Variants in HMGCLL1 observed in about 807,000 individuals in gnomAD.
HMGCLL1 encodes 3-hydroxy-3-methylglutaryl-CoA lyase like 1.
Under a neutral mutation model 39.1 loss-of-function variants are expected in HMGCLL1, and 36 were observed. The ratio of observed to expected loss-of-function variants is 0.92; its 90% confidence interval spans 0.71 to 1.22. The LOEUF is 1.22. HMGCLL1 is among the 50% of genes most tolerant of loss of function. The pLI is 0.00. For missense variants in HMGCLL1, 451 were observed against 416.5 expected (o/e 1.08, Z -0.72); for synonymous variants, 149 against 144.0 (o/e 1.03, Z -0.25).
intron 1 of HMGCLL1, among the ~76,000 whole-genome samples, chr6:55,557,925 G>A (rs1770756953): frequency 6.6e-6 from 1 of 152,122 alleles, no homozygotes; most frequent in African/African-American, 2.4e-5. Context: ...CTGAACAAGT[G>A]AGAAACAGGA....
At chr6:55,460,500 G>A (rs1764510974) in intron 7 of HMGCLL1, among the ~76,000 whole-genome samples, 1 of 151,630 alleles carries the variant, frequency 6.6e-6, no homozygotes, top group South Asian at 2.1e-4. Flanking sequence ...ATAACAAAAA[G>A]CGTATGTTTA....
At chr6:55,581,159 T>C (rs780852236), upstream of HMGCLL1, among the ~76,000 whole-genome samples, 1 of 152,062 alleles carries the variant, frequency 6.6e-6, no homozygotes, top group Non-Finnish European at 1.5e-5. Context: ...AGATATGATA[T>C]GATCTTCTGC....
At chr6:55,624,879 G>A in the HMGCLL1 span, among the ~76,000 whole-genome samples, 13 of 152,136 alleles carry the variant, frequency 8.5e-5, no homozygotes, top group Non-Finnish European at 1.6e-4. Context: ...TGATTTGGAT[G>A]TGTTTTTCCA....
intron 5 of HMGCLL1, among the ~76,000 whole-genome samples, chr6:55,511,268 C>T (rs559363589): frequency 7.2e-5 from 11 of 152,154 alleles, no homozygotes; most frequent in African/African-American, 2.4e-4. Flanking sequence ...ATTTTGCATT[C>T]GCATATAACC....
At chr6:55,452,894 A>G (rs1764162795) in intron 7 of HMGCLL1, among the ~76,000 whole-genome samples, 1 of 152,224 alleles carries the variant, frequency 6.6e-6, no homozygotes, top group African/African-American at 2.4e-5. Flanking sequence ...TACAAAGTAG[A>G]ATGTCATAGC....
intron 1 of HMGCLL1, among the ~76,000 whole-genome samples, chr6:55,557,966 TCAAAA>T (rs1770758322): frequency 6.6e-6 from 1 of 152,134 alleles, no homozygotes; most frequent in African/African-American, 2.4e-5. Context: ...TTTAGGTCTG[TCAAAA>T]ATACTGGTGC....
chr6:55,537,352 G>A (rs184330108), intron 3 of HMGCLL1, among the ~76,000 whole-genome samples: 77 of 152,214 alleles, frequency 5.1e-4, no homozygotes, highest in African/African-American at 1.8e-3. Flanking sequence ...TAAAAAATTG[G>A]AATGTATATA....
At chr6:55,463,381 T>C (rs1391626908) in intron 7 of HMGCLL1, among the ~76,000 whole-genome samples, 3 of 152,040 alleles carry the variant, frequency 2.0e-5, no homozygotes, top group Non-Finnish European at 4.4e-5. Flanking sequence ...AAAGTGGCCC[T>C]TACAATGTGA....
At chr6:55,486,073 TAC>T (rs552229204) in intron 7 of HMGCLL1, among the ~76,000 whole-genome samples, 1,995 of 148,490 alleles carry the variant, frequency 0.013, 39 homozygotes, top group African/African-American at 0.046. Context: ...TGTCGGTGTA[TAC>T]ACACACACAC....
intron 3 of HMGCLL1, among the ~76,000 whole-genome samples, chr6:55,525,120 T>A: frequency 6.6e-6 from 1 of 151,786 alleles, no homozygotes; most frequent in East Asian, 1.9e-4. Flanking sequence ...TCTGCCACTG[T>A]TAGCATAAAT....
At chr6:55,614,718 A>G in the HMGCLL1 span, among the ~76,000 whole-genome samples, 1 of 152,028 alleles carries the variant, frequency 6.6e-6, no homozygotes, top group Non-Finnish European at 1.5e-5. Context: ...ATTATTTTCA[A>G]CTTTTATAGG....
upstream of HMGCLL1, among the ~76,000 whole-genome samples, chr6:55,580,220 G>C (rs9370439): frequency 0.52 from 77,781 of 150,648 alleles, 20,437 homozygotes; most frequent in African/African-American, 0.61. Context: ...GTGGGGGTTT[G>C]GGGGGTGGGC....
intron 7 of HMGCLL1, among the ~76,000 whole-genome samples, chr6:55,477,267 TAATATATATTATATA>T (rs1765411761): frequency 4.3e-5 from 1 of 23,332 alleles, no homozygotes; most frequent in Non-Finnish European, 6.0e-5. Context: ...ATATATTATA[TAATATATATTATATA>T]TTATATATAA....
the HMGCLL1 span, among the ~76,000 whole-genome samples, chr6:55,603,868 A>T: frequency 6.6e-6 from 1 of 152,298 alleles, no homozygotes; most frequent in East Asian, 1.9e-4. Flanking sequence ...TATGAGGGGC[A>T]AACTAAAAAG....
At chr6:55,536,587 G>A (rs751962578) in intron 3 of HMGCLL1, among the ~76,000 whole-genome samples, 12 of 152,008 alleles carry the variant, frequency 7.9e-5, no homozygotes, top group Non-Finnish European at 1.8e-4. Context: ...TGCTGCTATT[G>A]TTCATTCCAT....
intron 7 of HMGCLL1, among the ~76,000 whole-genome samples, chr6:55,462,835 A>C (rs921700660): frequency 1.3e-5 from 2 of 152,158 alleles, no homozygotes; most frequent in African/African-American, 2.4e-5. Context: ...TAGGCTTCTC[A>C]GGAGTAGTTA....
At chr6:55,511,552 A>C (rs112848918) in intron 5 of HMGCLL1, among the ~76,000 whole-genome samples, 102 of 152,038 alleles carry the variant, frequency 6.7e-4, no homozygotes, top group African/African-American at 2.3e-3. Flanking sequence ...TATGGCCTTT[A>C]AAGCTGACAA....
At chr6:55,636,565 A>T in the HMGCLL1 span, among the ~76,000 whole-genome samples, 2 of 152,268 alleles carry the variant, frequency 1.3e-5, no homozygotes, top group South Asian at 4.1e-4. Flanking sequence ...GGCTTAGTGT[A>T]AGGATTCATA....
the HMGCLL1 span, among the ~76,000 whole-genome samples, chr6:55,595,930 C>G: frequency 6.6e-6 from 1 of 152,044 alleles, no homozygotes; most frequent in East Asian, 1.9e-4. Flanking sequence ...AATTTTGGAG[C>G]CTTTGTGAAT....
Sources: gnomAD v4.1 joint callset for allele counts (sites outside exome capture counted in the v4.1 genomes callset) on GRCh38, gnomAD v4.1.1 for gene constraint, MANE v1.5 for transcripts, NCBI Gene and HGNC (gene_info 2026-07-23, HGNC 2026-07-21) for gene names.